Variants in PECAM1 observed in about 807,000 individuals in gnomAD.
PECAM1 encodes platelet and endothelial cell adhesion molecule 1.
A neutral mutation model predicts 13.8 loss-of-function variants in PECAM1; 8 were observed. The observed-to-expected ratio is 0.58, with a 90% confidence interval of 0.34 to 1.05. The LOEUF is 1.05. PECAM1 is among the 50% of genes least tolerant of loss of function. PECAM1 has a pLI of 0.03. For missense variants in PECAM1, 304 were observed against 141.2 expected (o/e 2.15, Z -5.84); for synonymous variants, 136 against 52.6 (o/e 2.58, Z -6.86).
At chr17:64,348,766 C>T (rs984304259) in intron 12 of PECAM1, among the ~76,000 whole-genome samples, 19 of 152,154 alleles carry the variant, frequency 1.2e-4, no homozygotes, top group African/African-American at 4.3e-4. Flanking sequence ...TTAAAGTATT[C>T]TGTATTTTGA....
chr17:64,325,366 C>T (rs9897901), intron 15 of PECAM1, among the ~76,000 whole-genome samples: 71,563 of 151,582 alleles, frequency 0.47, 18,102 homozygotes, highest in East Asian at 0.69. Context: ...CCAACCTGGG[C>T]GACAGAGCAA....
intron 14 of PECAM1, among the ~76,000 whole-genome samples, chr17:64,333,850 A>G (rs1020882717): frequency 1.0e-4 from 15 of 143,282 alleles, no homozygotes; most frequent in Non-Finnish European, 2.3e-4. Flanking sequence ...GTCCCAGCTG[A>G]GTCAGAGGGG....
chr17:64,358,709 C>G (rs1384117746), intron 7 of PECAM1, among the ~76,000 whole-genome samples: 1 of 152,122 alleles, frequency 6.6e-6, no homozygotes, highest in Non-Finnish European at 1.5e-5. Context: ...ATTAGGAGAG[C>G]TTGTGTTTCT....
intron 14 of PECAM1, among the ~76,000 whole-genome samples, chr17:64,337,658 G>GA (rs2035314711): frequency 7.4e-6 from 1 of 135,786 alleles, no homozygotes; most frequent in African/African-American, 2.8e-5. Context: ...TACAAGAGTG[G>GA]GTTCTACGAT....
intron 2 of PECAM1, among the ~76,000 whole-genome samples, chr17:64,386,560 T>C (rs1230946679): frequency 1.3e-5 from 2 of 152,172 alleles, no homozygotes; most frequent in African/African-American, 4.8e-5. Context: ...TGATTGGATA[T>C]GGGGTTGAAA....
chr17:64,362,031 A>C (rs1230887601), intron 6 of PECAM1, among the ~76,000 whole-genome samples: 1 of 152,232 alleles, frequency 6.6e-6, no homozygotes, highest in Non-Finnish European at 1.5e-5. Flanking sequence ...GATAAAACAC[A>C]GCCACAGGTT....
At chr17:64,360,848 T>TGTGTG (rs2035958525) in intron 6 of PECAM1, among the ~76,000 whole-genome samples, 1 of 98,890 alleles carries the variant, frequency 1.0e-5, no homozygotes, top group Non-Finnish European at 2.4e-5. Context: ...GTGTGTGTAT[T>TGTGTG]TGAGACAGGG....
At chr17:64,376,457 A>G (rs1461511936) in intron 3 of PECAM1, among the ~76,000 whole-genome samples, 1 of 152,242 alleles carries the variant, frequency 6.6e-6, no homozygotes, top group Non-Finnish European at 1.5e-5. Context: ...AAAGGTAGCC[A>G]GTATTTGTCA....
At chr17:64,354,175 C>T (rs1175144299) in intron 9 of PECAM1, among the ~76,000 whole-genome samples, 1 of 152,122 alleles carries the variant, frequency 6.6e-6, no homozygotes, top group Non-Finnish European at 1.5e-5. Flanking sequence ...CTCCTGACCT[C>T]AAGTGATCTG....
At chr17:64,385,436 C>T (rs1389111443) in intron 2 of PECAM1, among the ~76,000 whole-genome samples, 1 of 152,076 alleles carries the variant, frequency 6.6e-6, no homozygotes, top group African/African-American at 2.4e-5. Flanking sequence ...GAGGGGCTGC[C>T]CACCCTCGTC....
chr17:64,376,175 G>T (rs1356376424), intron 3 of PECAM1, among the ~76,000 whole-genome samples: 1 of 151,284 alleles, frequency 6.6e-6, no homozygotes, highest in Non-Finnish European at 1.5e-5. Flanking sequence ...CATGGTGGCA[G>T]GCACCTGTAA....
In PECAM1 at chr17:64,322,476, C is replaced by G; in HGVS notation, c.*1340G>C. The G allele has an allele frequency of 1.0e-6, 1 of 985,396 alleles. No homozygotes were observed. Among genetic ancestry groups the G allele is most frequent in the Admixed American group, 6.1e-5 (1 of 16,270 alleles). The allele number at this position is 985,396 out of a possible 1,614,324, so 61.0% of individuals were successfully genotyped here. Reference sequence around the variant, plus strand: ...CCTCAGCACTATAGATGCATGTGGCCCCTCAGAAGACAACATTTCACAGAT... The same window carrying G: ...CCTCAGCACTATAGATGCATGTGGCGCCTCAGAAGACAACATTTCACAGAT... On this transcript the variant is annotated 3_prime_UTR_variant, in exon 16 of 16. Coordinates refer to ENST00000563924, the MANE Select transcript of PECAM1 (RefSeq NM_000442.5).
chr17:64,358,648 A>AT (rs1201451480), intron 7 of PECAM1, among the ~76,000 whole-genome samples: 116 of 151,942 alleles, frequency 7.6e-4, no homozygotes, highest in African/African-American at 2.7e-3. Context: ...GACCCCTAAC[A>AT]TTTTTTCTAT....
At chr17:64,390,345 T>C (rs1478695862) in intron 2 of PECAM1, 144 bp downstream of exon 2, 2 of 409,216 alleles carry the variant, frequency 4.9e-6, no homozygotes, top group African/African-American at 4.1e-5. Flanking sequence ...CCACATGGGA[T>C]AAACTTTAGT....
In PECAM1 at chr17:64,378,062, A is replaced by G. The variant is rs1417354249; in HGVS notation, c.147T>C (p.Asn49=). The G allele has an allele frequency of 1.3e-5, 6 of 475,030 alleles. No individual in the cohort carries two copies. The highest frequency in any genetic ancestry group is 1.5e-5 in the Non-Finnish European group (4 of 259,028). 29.4% of individuals were successfully genotyped at this position (475,030 alleles called of 1,614,324 possible). ...MKSLPDWTVQ[N]GKNLTLQCFA... ...AGCACTGCAGGGTCAGGTTCTTCCCATTTTGCACCGTCCAGTCCGGCAGGC... is the reference window on the plus strand; with the variant it reads ...AGCACTGCAGGGTCAGGTTCTTCCCGTTTTGCACCGTCCAGTCCGGCAGGC... The change falls in exon 3 of 16, where the codon AAT becomes AAC. Residue 49 remains asparagine, a synonymous_variant. Coordinates refer to ENST00000563924, the MANE Select transcript of PECAM1 (RefSeq NM_000442.5).
At chr17:64,364,973 G>A (rs1284803023) in intron 5 of PECAM1, among the ~76,000 whole-genome samples, 5 of 151,464 alleles carry the variant, frequency 3.3e-5, no homozygotes, top group Non-Finnish European at 7.4e-5. Context: ...TCTGGCCAGG[G>A]CAATTAGGCA....
At chr17:64,388,943 C>T (rs1312340685) in intron 2 of PECAM1, among the ~76,000 whole-genome samples, 1 of 152,208 alleles carries the variant, frequency 6.6e-6, no homozygotes, top group Non-Finnish European at 1.5e-5. Flanking sequence ...GCTGGGATTA[C>T]AGGTGTGAGC....
intron 6 of PECAM1, among the ~76,000 whole-genome samples, chr17:64,362,118 C>G (rs2143817182): frequency 6.6e-6 from 1 of 152,192 alleles, no homozygotes; most frequent in East Asian, 1.9e-4. Flanking sequence ...CAGAATCTCG[C>G]CACCCAAAGT....
chr17:64,326,957 T>C (rs1321219834), intron 15 of PECAM1, among the ~76,000 whole-genome samples: 1 of 152,226 alleles, frequency 6.6e-6, no homozygotes, highest in East Asian at 1.9e-4. Flanking sequence ...ACCAGGTCTA[T>C]GCCAGGTGCT....
Sources: gnomAD v4.1 joint callset for allele counts (sites outside exome capture counted in the v4.1 genomes callset) on GRCh38, gnomAD v4.1.1 for gene constraint, MANE v1.5 for transcripts, NCBI Gene and HGNC (gene_info 2026-07-23, HGNC 2026-07-21) for gene names.